PILRA: variants seen among roughly 807,000 people sequenced by gnomAD.
PILRA encodes paired immunoglobin like type 2 receptor alpha.
A neutral mutation model predicts 33.1 loss-of-function variants in PILRA; 37 were observed. That is an observed-to-expected ratio of 1.12 (90% CI 0.86 to 1.47). The LOEUF is 1.47. Among genes scored for constraint, PILRA ranks in the 40% most tolerant of loss-of-function variants. The pLI, the probability that PILRA is intolerant of heterozygous loss-of-function variation, is 0.00. For missense variants in PILRA, 312 were observed against 376.2 expected, an observed-to-expected ratio of 0.83 and a Z score of 1.41; for synonymous variants, 146 against 149.9, an observed-to-expected ratio of 0.97 and a Z score of 0.19.
chr7:100,381,665 G>C (rs1270053548), intron 2 of PILRA, among the ~76,000 whole-genome samples: 1 of 152,230 alleles, frequency 6.6e-6, no homozygotes, highest in Non-Finnish European at 1.5e-5. Context: ...CTGCACAGTG[G>C]GAGCCCCTTC....
chr7:100,380,973 A>C (rs1791078301), intron 2 of PILRA, among the ~76,000 whole-genome samples: 1 of 143,738 alleles, frequency 7.0e-6, no homozygotes, highest in African/African-American at 2.6e-5. Flanking sequence ...TCCATCTCCA[A>C]AAAAAACAAA....
At chr7:100,399,252 A>T in intron 4 of PILRA, 39 bp from the exon 5 acceptor site, 4 of 1,534,294 alleles carry the variant, frequency 2.6e-6, no homozygotes, top group Non-Finnish European at 3.6e-6. Flanking sequence ...TAAAATGCCC[A>T]ACCTCTAACA....
At chr7:100,374,665 C>T in intron 2 of PILRA, 1 of 584,470 alleles carries the variant, frequency 1.7e-6, no homozygotes, top group South Asian at 1.9e-5. Flanking sequence ...CCTCCAGATC[C>T]AGCCCCGCCC....
At chr7:100,387,964 T>C (rs1390948008) in intron 2 of PILRA, among the ~76,000 whole-genome samples, 1 of 152,206 alleles carries the variant, frequency 6.6e-6, no homozygotes, top group Non-Finnish European at 1.5e-5. Context: ...TTTGGGGTTT[T>C]TTCTTTGGAA....
chr7:100,374,775 C>T (rs549369864), intron 2 of PILRA: 44 of 384,264 alleles, frequency 1.1e-4, no homozygotes, highest in African/African-American at 7.7e-4. Flanking sequence ...ACCTCCAGGC[C>T]GATTCGATCT....
chr7:100,371,755 G>A (rs527774938), upstream of PILRA, among the ~76,000 whole-genome samples: 1 of 152,124 alleles, frequency 6.6e-6, no homozygotes, highest in South Asian at 2.1e-4. Context: ...ACAGCCCCAG[G>A]CTCAGTCCCA....
rs928050439 is a variant in PILRA at position 100,377,532 on chromosome 7, C to T, written c.454+3099C>T. On this transcript the variant is annotated intron_variant, in intron 2 of 6. Coordinates refer to ENST00000198536, the MANE Select transcript of PILRA (RefSeq NM_013439.3). ...CTGGGATTACAGGCTTCAGCCAACACGCCTGGCCTTTTCTGTTTTATTTCT... is the reference window on the plus strand; with the variant it reads ...CTGGGATTACAGGCTTCAGCCAACATGCCTGGCCTTTTCTGTTTTATTTCT... 8.5e-5 allele frequency among the ~76,000 whole-genome samples: 13 copies of T among 152,262 alleles called. No homozygotes were observed. In the East Asian group the frequency reaches 1.7e-3, roughly 20 times the overall value.
chr7:100,399,270 TG>T lies in PILRA; in HGVS notation c.708-20del, dbSNP rs1333768317. 6.9e-6 allele frequency: 11 copies of T among 1,594,850 alleles called. No individual in the cohort carries two copies. The highest frequency in any genetic ancestry group is 9.4e-6 in the Non-Finnish European group (11 of 1,164,564). On this transcript the variant is annotated intron_variant, in intron 4 of 6. Coordinates refer to ENST00000198536, the MANE Select transcript of PILRA (RefSeq NM_013439.3). ...AATGCCCAACCTCTAACATATTTCC[TG>T]TCCTCTTGTTCCCATACAGGGAACC...
chr7:100,375,294 C>T (rs2130158685), intron 2 of PILRA, among the ~76,000 whole-genome samples: 1 of 152,332 alleles, frequency 6.6e-6, no homozygotes, highest in Admixed American at 6.5e-5. Context: ...GCTTCGTGTG[C>T]ATTGCCCTAG....
At position 100,399,658 on chromosome 7, in the gene PILRA, A is replaced by G. The variant is rs746430278; in HGVS notation, c.789+46A>G. On this transcript the variant is annotated intron_variant, in intron 6 of 6. Coordinates refer to ENST00000198536, the MANE Select transcript of PILRA (RefSeq NM_013439.3). ...CTGAAGGAATTAAAGAGAAGCCTGG[A>G]GAAGGTGGGGTGGAAGGGAGAAGGG... is the stretch of plus-strand genomic sequence containing the variant. 3.1e-6 allele frequency: 5 copies of G among 1,613,216 alleles called. No individual in the cohort carries two copies. The South Asian group carries it at 5.5e-5, about 18-fold the overall frequency.
chr7:100,399,972 CA>C lies in PILRA; in HGVS notation c.*66del, dbSNP rs1791627967. 1 of 1,461,020 alleles carries C rather than the reference CA, an allele frequency of 6.8e-7. No homozygotes were observed. The highest frequency in any genetic ancestry group is 2.4e-5 in the Admixed American group (1 of 41,926). The allele number at this position is 1,461,020 out of a possible 1,614,324, so 90.5% of individuals were successfully genotyped here. ...GTACAGTGGCGCACACCTGTAATCCCAGCTACTCTGAAGCCTGAGGCAGAAT... is the reference window on the plus strand; with the variant it reads ...GTACAGTGGCGCACACCTGTAATCCCGCTACTCTGAAGCCTGAGGCAGAAT... On this transcript the variant is annotated 3_prime_UTR_variant, in exon 7 of 7. Coordinates refer to ENST00000198536, the MANE Select transcript of PILRA (RefSeq NM_013439.3).
intron 3 of PILRA, 26 bp downstream of exon 3, chr7:100,390,132 C>T: frequency 1.9e-6 from 3 of 1,591,750 alleles, no homozygotes; most frequent in Non-Finnish European, 2.6e-6. Flanking sequence ...CCGCCCTCTC[C>T]CCAAGCCTCC....
chr7:100,397,224 G>A (rs1443078180), intron 3 of PILRA, among the ~76,000 whole-genome samples: 3 of 151,606 alleles, frequency 2.0e-5, no homozygotes, highest in African/African-American at 7.3e-5. Context: ...CTGTGGACAT[G>A]GAGCCCTCCT....
At chr7:100,372,232 T>C (rs1790832325), upstream of PILRA, among the ~76,000 whole-genome samples, 1 of 147,266 alleles carries the variant, frequency 6.8e-6, no homozygotes, top group South Asian at 2.3e-4. Flanking sequence ...ATGAGGTGTT[T>C]AGGGCCTGGC....
At chr7:100,390,151 G>A in intron 3 of PILRA, 45 bp downstream of exon 3, 1 of 1,559,424 alleles carries the variant, frequency 6.4e-7, no homozygotes, top group Non-Finnish European at 8.8e-7. Context: ...CCCATCTGGG[G>A]GTTTCTCAAA....
chr7:100,377,231 CTTTTTTTT>C (rs761225046), intron 2 of PILRA, among the ~76,000 whole-genome samples: 1 of 100,930 alleles, frequency 9.9e-6, no homozygotes, highest in Non-Finnish European at 2.0e-5. Context: ...TTTTCTATTT[CTTTTTTTT>C]TTTTTTTTTT....
At chr7:100,391,315 A>G (rs1791386628) in intron 3 of PILRA, among the ~76,000 whole-genome samples, 1 of 151,538 alleles carries the variant, frequency 6.6e-6, no homozygotes, top group Non-Finnish European at 1.5e-5. Flanking sequence ...TGATTTCACC[A>G]CTGCACTCCA....
chr7:100,383,797 C>T (rs539445085), intron 2 of PILRA, among the ~76,000 whole-genome samples: 13 of 152,090 alleles, frequency 8.5e-5, no homozygotes, highest in Admixed American at 7.2e-4. Flanking sequence ...CCACCACACC[C>T]GGCTAATTTT....
At chr7:100,397,000 C>T (rs1268093584) in intron 3 of PILRA, among the ~76,000 whole-genome samples, 2 of 147,836 alleles carry the variant, frequency 1.4e-5, no homozygotes, top group Non-Finnish European at 3.0e-5. Context: ...TTTTTTTTAC[C>T]GTAAGTAAAA....
Sources: allele counts gnomAD v4.1 joint callset (sites outside exome capture counted in the v4.1 genomes callset), GRCh38; gene constraint gnomAD v4.1.1; transcripts MANE v1.5; gene names NCBI Gene and HGNC (gene_info 2026-07-23, HGNC 2026-07-21).